EXO1: variants seen among roughly 807,000 people sequenced by gnomAD.
The protein encoded by EXO1 is exonuclease 1.
EXO1 carries 69 observed loss-of-function variants against 84.5 expected under a neutral mutation model. The observed-to-expected ratio is 0.82, with a 90% CI of 0.67 to 1.00. EXO1 has a LOEUF of 1.00. Among genes scored for constraint, EXO1 ranks in the 50% least tolerant of loss-of-function variants. EXO1 has a pLI of 0.00. For missense variants in EXO1, 1,045 were observed against 1,000.7 expected, an observed-to-expected ratio of 1.04 and a Z score of -0.60; for synonymous variants, 373 against 366.1, an observed-to-expected ratio of 1.02 and a Z score of -0.21.
intron 4 of EXO1, among the ~76,000 whole-genome samples, chr1:241,850,799 A>G (rs1429258581): frequency 6.6e-6 from 1 of 150,662 alleles, no homozygotes; most frequent in Non-Finnish European, 1.5e-5. Flanking sequence ...GAGTATCAAG[A>G]CACTGATGGA....
At chr1:241,849,773 C>G (rs1016444731) in intron 3 of EXO1, among the ~76,000 whole-genome samples, 4 of 152,136 alleles carry the variant, frequency 2.6e-5, no homozygotes, top group Non-Finnish European at 5.9e-5. Flanking sequence ...CAATGCGATG[C>G]CATCGCATGC....
In EXO1 at chr1:241,872,241, G is replaced by C. The variant is rs373081551; in HGVS notation, c.1477G>C (p.Glu493Gln). 1 of 1,614,002 alleles carries C rather than the reference G, an allele frequency of 6.2e-7. No homozygotes were observed. Among genetic ancestry groups the C allele is most frequent in the Non-Finnish European group, 8.5e-7 (1 of 1,179,990 alleles). The change falls in exon 12 of 16, where the codon GAA (glutamate) becomes CAA (glutamine). Residue 493 changes from glutamate (E) to glutamine (Q), a missense_variant. Transcript: ENST00000366548. ...AACATTTTTACAAAGGAAAAATGAA[G>C]AAAGTGGTGCAGTTGTGGTTCCAGG... The part of the protein sequence containing the change: ...FATFLQRKNE[E>Q]SGAVVVPGTR...
chr1:241,869,092 A>G (rs899174158), intron 11 of EXO1, among the ~76,000 whole-genome samples: 2 of 152,172 alleles, frequency 1.3e-5, no homozygotes, highest in African/African-American at 2.4e-5. Flanking sequence ...TTTTCTTAGT[A>G]TAAGAATCTA....
At chr1:241,861,755 A>G (rs969557565) in intron 10 of EXO1, among the ~76,000 whole-genome samples, 1 of 152,186 alleles carries the variant, frequency 6.6e-6, no homozygotes, top group East Asian at 1.9e-4. Context: ...TTTCATTTGA[A>G]TATACCAAGC....
chr1:241,873,126 A>G (rs1662207387), intron 12 of EXO1, among the ~76,000 whole-genome samples: 2 of 151,874 alleles, frequency 1.3e-5, no homozygotes, highest in Non-Finnish European at 2.9e-5. Context: ...TACAACGTGC[A>G]GGTTTGTCAC....
intron 7 of EXO1, 111 bp downstream of exon 7, chr1:241,857,593 AATTTATAAT>A: frequency 2.6e-6 from 1 of 384,414 alleles, no homozygotes; most frequent in East Asian, 6.8e-5. Context: ...ATATTTATAA[AATTTATAAT>A]ATTTATAAAA....
chr1:241,860,352 T>C (rs1661311515), intron 8 of EXO1, among the ~76,000 whole-genome samples, 165 bp from the exon 9 acceptor site: 1 of 152,188 alleles, frequency 6.6e-6, no homozygotes, highest in Non-Finnish European at 1.5e-5. Flanking sequence ...AGACTTAGAA[T>C]TTTAAGTGAT....
intron 4 of EXO1, 134 bp downstream of exon 4, chr1:241,850,720 A>G: frequency 1.4e-6 from 1 of 738,154 alleles, no homozygotes; most frequent in Non-Finnish European, 2.3e-6. Context: ...ATGTTTTAGA[A>G]TATTCCCAAA....
rs373134694 is a variant in EXO1, at chr1:241,857,360, G to A, written c.421G>A (p.Gly141Arg). The A allele has an allele frequency of 7.4e-6, 12 of 1,613,868 alleles. No homozygotes were observed. In the South Asian group the frequency reaches 7.7e-5, roughly 10 times the overall value. Residue 141 changes from glycine to arginine, a missense_variant, in exon 7 of 16, where the codon GGG (glycine) becomes AGG (arginine). Transcript: ENST00000366548. ...TCTCTTCTAGGCTGCCCGGTCTCAG[G>A]GGGTAGATTGCCTCGTGGCTCCCTA... ...HKVIKAARSQ[G>R]VDCLVAPYEA...
Position 241,858,505 on chromosome 1 carries a change from G to A in EXO1, c.544-1G>A. Reference sequence around the variant, plus strand: ...ATTAACAATTTCCCTTCCTTTTGAAGGTAATTTTAAAGATGGACCAGTTTG... The same window carrying A: ...ATTAACAATTTCCCTTCCTTTTGAAAGTAATTTTAAAGATGGACCAGTTTG... On this transcript the variant is annotated splice_acceptor_variant, in intron 7 of 15. Transcript: ENST00000366548. LOFTEE classifies it high-confidence loss of function. 6.2e-7 allele frequency: 1 copy of A among 1,609,800 alleles called. No homozygotes were observed. Among genetic ancestry groups the A allele is most frequent in the South Asian group, 1.1e-5 (1 of 91,018 alleles).
In EXO1 at chr1:241,852,485, T is replaced by C. The variant is rs1660729107; in HGVS notation, c.281+74T>C. The C allele has an allele frequency of 5.1e-6, 7 of 1,380,478 alleles. No individual in the cohort carries two copies. The East Asian group carries it at 1.6e-4, about 32-fold the overall frequency. 85.5% of individuals were successfully genotyped at this position (1,380,478 alleles called of 1,614,324 possible). A position where few individuals can be genotyped will look rare whatever the true frequency, so the allele number is the denominator to read the frequency against. ...ACACTGTAGTCTATATGATACCAAT[T>C]TTTAAAATTTTAAGCCAGGCTCAGT... is the stretch of plus-strand genomic sequence containing the variant. On this transcript the variant is annotated intron_variant, in intron 5 of 15. Transcript: ENST00000366548.
At chr1:241,880,080 T>G (rs1019072846) in intron 13 of EXO1, among the ~76,000 whole-genome samples, 15 of 152,130 alleles carry the variant, frequency 9.9e-5, no homozygotes, top group African/African-American at 3.6e-4. Flanking sequence ...ATCTTAAGTT[T>G]TAGTACTTCA....
chr1:241,869,755 C>G (rs1661976775), intron 11 of EXO1, among the ~76,000 whole-genome samples: 1 of 140,554 alleles, frequency 7.1e-6, no homozygotes, highest in South Asian at 2.4e-4. Flanking sequence ...TCCCTCCTTC[C>G]TTCCTTCCTT....
chr1:241,879,419 T>C, intron 13 of EXO1, 76 bp downstream of exon 13: 1 of 856,820 alleles, frequency 1.2e-6, no homozygotes, highest in Non-Finnish European at 1.9e-6. Context: ...ACTGAGGAAA[T>C]TTTTCCTACA....
In EXO1 at chr1:241,850,466, C is replaced by T. The variant is rs1660598465; in HGVS notation, c.41C>T (p.Ser14Leu). 24 of 1,613,904 alleles carry T rather than the reference C, an allele frequency of 1.5e-5. No homozygotes were observed. The highest frequency in any genetic ancestry group is 2.0e-5 in the Non-Finnish European group (24 of 1,179,910). The change falls in exon 4 of 16, where the codon TCA (serine) becomes TTA (leucine). Residue 14 changes from serine (S) to leucine (L), a missense_variant. Ser to Leu is a moderately radical substitution (Grantham distance 145). Coordinates refer to ENST00000366548, the MANE Select transcript of EXO1 (RefSeq NM_130398.4). The stretch of plus-strand genomic sequence containing the variant: ...TTGCTACAATTTATCAAAGAAGCTT[C>T]AGAACCCATCCATGTGAGGAAGTAT... ...QGLLQFIKEA[S>L]EPIHVRKYKG...
chr1:241,882,125 T>G, intron 14 of EXO1, 108 bp downstream of exon 14: 1 of 645,910 alleles, frequency 1.5e-6, no homozygotes, highest in Non-Finnish European at 2.8e-6. Context: ...TGTAGTCTCA[T>G]TTATATAAAA....
chr1:241,856,379 A>T (rs1661039149), intron 6 of EXO1, among the ~76,000 whole-genome samples: 1 of 151,364 alleles, frequency 6.6e-6, no homozygotes, highest in African/African-American at 2.4e-5. Flanking sequence ...AGCGGCTATG[A>T]TAGGGGCTGT....
chr1:241,868,950 T>G (rs1287569483), intron 11 of EXO1, among the ~76,000 whole-genome samples: 1 of 152,254 alleles, frequency 6.6e-6, no homozygotes, highest in Non-Finnish European at 1.5e-5. Flanking sequence ...ATTTGCAACC[T>G]TGCTCACGTC....
At chr1:241,880,846 T>G (rs1222374887) in intron 13 of EXO1, among the ~76,000 whole-genome samples, 1 of 152,174 alleles carries the variant, frequency 6.6e-6, no homozygotes, top group Non-Finnish European at 1.5e-5. Flanking sequence ...GATTCTGTGT[T>G]GAGTTCATTG....
Sources: allele counts gnomAD v4.1 joint callset (sites outside exome capture counted in the v4.1 genomes callset), GRCh38; gene constraint gnomAD v4.1.1; transcripts MANE v1.5; gene names NCBI Gene and HGNC (gene_info 2026-07-23, HGNC 2026-07-21).